NTM: variants seen among roughly 807,000 people sequenced by gnomAD.
The protein encoded by NTM is IgLON family member 2.
NTM carries 13 observed loss-of-function variants against 42.1 expected under a neutral mutation model. The ratio of observed to expected loss-of-function variants is 0.31; its 90% CI spans 0.20 to 0.49. The LOEUF is 0.49. NTM is among the 20% of genes least tolerant of loss of function. The pLI, the probability that NTM is intolerant of heterozygous loss-of-function variation, is 0.99. For missense variants in NTM, 373 were observed against 452.8 expected (o/e 0.82, Z 1.60); for synonymous variants, 187 against 179.2 (o/e 1.04, Z -0.35).
intron 8 of NTM, among the ~76,000 whole-genome samples, chr11:132,331,313 G>A (rs377011841): frequency 1.0e-3 from 154 of 152,240 alleles, no homozygotes; most frequent in African/African-American, 2.9e-3. Context: ...CAGTGCAAGC[G>A]CTCTATCTGA....
chr11:131,890,269 C>G (rs2051111578), intron 1 of NTM, among the ~76,000 whole-genome samples: 1 of 152,106 alleles, frequency 6.6e-6, no homozygotes, highest in African/African-American at 2.4e-5. Context: ...CACACCATAC[C>G]CCCTGGAAAC....
At chr11:131,958,693 C>T (rs1192490806) in intron 2 of NTM, among the ~76,000 whole-genome samples, 1 of 152,134 alleles carries the variant, frequency 6.6e-6, no homozygotes, top group African/African-American at 2.4e-5. Flanking sequence ...AGTTTGGCCT[C>T]CCACAAACCA....
chr11:131,605,041 T>C (rs746530040), intron 1 of NTM, among the ~76,000 whole-genome samples: 2 of 152,072 alleles, frequency 1.3e-5, no homozygotes, highest in Admixed American at 6.6e-5. Flanking sequence ...TTGTGTCTAT[T>C]GTGGGTTTCT....
intron 1 of NTM, among the ~76,000 whole-genome samples, chr11:131,602,135 C>T (rs766670017): frequency 1.1e-4 from 16 of 152,208 alleles, no homozygotes; most frequent in Non-Finnish European, 2.2e-4. Context: ...GATTGCTACT[C>T]AGGCAGGCTG....
chr11:132,147,744 A>G (rs556125873), intron 3 of NTM, among the ~76,000 whole-genome samples: 1 of 152,192 alleles, frequency 6.6e-6, no homozygotes, highest in South Asian at 2.1e-4. Context: ...CCAGGGTGAC[A>G]AACTCCTCTC....
intron 1 of NTM, among the ~76,000 whole-genome samples, chr11:131,882,694 C>T (rs369438723): frequency 2.0e-5 from 3 of 152,040 alleles, no homozygotes; most frequent in African/African-American, 4.8e-5. Context: ...TTCACAATTC[C>T]GGTGAGGAAT....
chr11:131,425,679 C>A (rs1948061393), intron 1 of NTM, among the ~76,000 whole-genome samples: 1 of 152,084 alleles, frequency 6.6e-6, no homozygotes, highest in Non-Finnish European at 1.5e-5. Context: ...GATTTTGAAG[C>A]CTGGTTTAAG....
intron 6 of NTM, chr11:132,312,650 C>A (rs2095313445): frequency 6.5e-6 from 1 of 154,836 alleles, no homozygotes; most frequent in Admixed American, 6.5e-5. Flanking sequence ...TCAGTTAAGT[C>A]TCTCCCCACT....
At chr11:132,193,617 A>C (rs76551055) in intron 3 of NTM, among the ~76,000 whole-genome samples, 3,122 of 152,148 alleles carry the variant, frequency 0.021, 57 homozygotes, top group Middle Eastern at 0.051. Flanking sequence ...GTAAAACAAG[A>C]GCAAACCAAA....
chr11:131,574,303 C>G (rs1358162818), intron 1 of NTM, among the ~76,000 whole-genome samples: 2 of 152,168 alleles, frequency 1.3e-5, no homozygotes, highest in Non-Finnish European at 2.9e-5. Context: ...CTAAAAGCTG[C>G]CCTGAGTGTC....
chr11:131,927,286 C>T (rs1565753930), intron 2 of NTM, among the ~76,000 whole-genome samples: 1 of 152,138 alleles, frequency 6.6e-6, no homozygotes, highest in African/African-American at 2.4e-5. Context: ...TTCCCTGCAC[C>T]TGGGGTTGCC....
chr11:132,154,408 C>T (rs1482718132), intron 3 of NTM, among the ~76,000 whole-genome samples: 1 of 152,170 alleles, frequency 6.6e-6, no homozygotes, highest in African/African-American at 2.4e-5. Flanking sequence ...GGTTAAGACA[C>T]AAAGGGGAAA....
At chr11:132,067,257 G>A (rs1335969750) in intron 2 of NTM, among the ~76,000 whole-genome samples, 3 of 152,188 alleles carry the variant, frequency 2.0e-5, no homozygotes. Flanking sequence ...ACCAGCTTTT[G>A]TGGAATATTT....
In NTM at chr11:131,642,358, C is replaced by T. The variant is rs1382671838; in HGVS notation, c.83-269206C>T. 5.3e-5 allele frequency among the ~76,000 whole-genome samples: 8 copies of T among 152,248 alleles called. No homozygotes were observed. The East Asian group carries it at 1.5e-3, about 29-fold the overall frequency. Reference sequence around the variant, plus strand: ...AACTGGAGAGAGATCCAGATAGTTGCTTGTCAAAAGAATAACAATTTGGGG... The same window carrying T: ...AACTGGAGAGAGATCCAGATAGTTGTTTGTCAAAAGAATAACAATTTGGGG... On this transcript the variant is annotated intron_variant, in intron 1 of 8. Transcript: ENST00000683400.
At chr11:131,597,672 C>T (rs1318965584) in intron 1 of NTM, among the ~76,000 whole-genome samples, 1 of 152,214 alleles carries the variant, frequency 6.6e-6, no homozygotes, top group African/African-American at 2.4e-5. Flanking sequence ...ACAGAAATCA[C>T]CCCTTTTCAG....
In NTM at chr11:131,648,527, A is replaced by C. The variant is rs564682628; in HGVS notation, c.83-263037A>C. On this transcript the variant is annotated intron_variant, in intron 1 of 8. Transcript: ENST00000683400. ...CAGCATTTATTTTTTGAATTTTAAT[A>C]GTAGCCATTCTGACTGGAATGAGAT... Among the ~76,000 whole-genome samples, 184 of 152,198 alleles carry C rather than the reference A, an allele frequency of 1.2e-3. 1 individual carries two copies. The highest frequency in any genetic ancestry group is 3.3e-3 in the Admixed American group (51 of 15,284).
intron 3 of NTM, among the ~76,000 whole-genome samples, chr11:132,166,996 G>C (rs1286805521): frequency 1.3e-5 from 2 of 152,168 alleles, no homozygotes; most frequent in African/African-American, 4.8e-5. Context: ...CACTCATGCA[G>C]TTAGACCTGA....
intron 1 of NTM, among the ~76,000 whole-genome samples, chr11:131,372,687 C>CATCAAACTGGAGACAATG (rs1942051265): frequency 7.9e-5 from 12 of 152,142 alleles, no homozygotes; most frequent in Admixed American, 7.9e-4. Context: ...CTGCCTGTAA[C>CATCAAACTGGAGACAATG]ATCAAACTGG....
chr11:132,096,952 G>C (rs538027970), intron 2 of NTM, among the ~76,000 whole-genome samples: 1 of 152,282 alleles, frequency 6.6e-6, no homozygotes, highest in South Asian at 2.1e-4. Context: ...CAGACACTAA[G>C]TGTCTAGCAC....
Sources: gnomAD v4.1 joint callset for allele counts (sites outside exome capture counted in the v4.1 genomes callset) on GRCh38, gnomAD v4.1.1 for gene constraint, MANE v1.5 for transcripts, NCBI Gene and HGNC (gene_info 2026-07-23, HGNC 2026-07-21) for gene names.